Variants in MYH14 observed in about 807,000 individuals in gnomAD.
The protein encoded by MYH14 is myosin-14.
A neutral mutation model predicts 255.5 loss-of-function variants in MYH14; 123 were observed. The observed-to-expected ratio is 0.48, with a 90% CI of 0.42 to 0.56. MYH14 has a LOEUF of 0.56. Among genes scored for constraint, MYH14 ranks in the 20% least tolerant of loss-of-function variants. The probability of loss-of-function intolerance (pLI) is 0.00; values close to 1 mark genes in which losing one functional copy is unlikely to be tolerated. For synonymous variants in MYH14, 1,095 were observed against 1,161.2 expected (o/e 0.94, Z 1.16); for missense variants, 2,423 against 2,802.3 (o/e 0.86, Z 3.06).
chr19:50,204,697 C>T (rs2031633862), intron 1 of MYH14, among the ~76,000 whole-genome samples: 2 of 152,294 alleles, frequency 1.3e-5, no homozygotes, highest in South Asian at 4.1e-4. Context: ...GAGTTCGAGA[C>T]CAGCTTGGGC....
chr19:50,288,996 G>A (rs1016490410), intron 34 of MYH14, among the ~76,000 whole-genome samples: 25 of 152,110 alleles, frequency 1.6e-4, no homozygotes, highest in Non-Finnish European at 3.2e-4. Context: ...ATAGTGGGTC[G>A]GTGACACCCT....
At chr19:50,263,876 G>T (rs1406696899) in intron 22 of MYH14, among the ~76,000 whole-genome samples, 1 of 151,848 alleles carries the variant, frequency 6.6e-6, no homozygotes, top group African/African-American at 2.4e-5. Flanking sequence ...GGCCAATATG[G>T]GGAAATCCTG....
chr19:50,298,922 A>AAACAAC (rs909777839), intron 39 of MYH14, among the ~76,000 whole-genome samples: 2 of 151,964 alleles, frequency 1.3e-5, no homozygotes, highest in Non-Finnish European at 2.9e-5. Flanking sequence ...TCCCTACCAA[A>AAACAAC]AACAACAACA....
intron 10 of MYH14, among the ~76,000 whole-genome samples, chr19:50,240,642 G>A (rs1856191916): frequency 6.6e-6 from 1 of 150,724 alleles, no homozygotes; most frequent in African/African-American, 2.4e-5. Context: ...GAAATTAAAA[G>A]CACTGCCTCC....
At chr19:50,218,083 G>A (rs1190942440) in intron 3 of MYH14, among the ~76,000 whole-genome samples, 1 of 151,892 alleles carries the variant, frequency 6.6e-6, no homozygotes, top group Non-Finnish European at 1.5e-5. Context: ...TGCAACCTCT[G>A]CCTCCTGGGC....
chr19:50,231,044 C>T lies in MYH14; in HGVS notation c.973+421C>T, dbSNP rs57637546. ...TCGTGCTGCCTCGTGCTCCCCTCTG[C>T]TCTGGCTCCTAGGCCACGGCTCTTG... is the stretch of plus-strand genomic sequence containing the variant. On this transcript the variant is annotated intron_variant, in intron 9 of 42. Transcript: ENST00000642316. The T allele has an allele frequency of 2.1e-3, 468 of 220,828 alleles. 3 individuals carry two copies. Among genetic ancestry groups the T allele is most frequent in the African/African-American group, 0.01 (447 of 43,510 alleles). The allele number at this position is 220,828 out of a possible 1,614,324, so 13.7% of individuals were successfully genotyped here. A position where few individuals can be genotyped will look rare whatever the true frequency, so the allele number is the denominator to read the frequency against.
At chr19:50,216,602 T>C (rs75133810) in intron 2 of MYH14, among the ~76,000 whole-genome samples, 2,765 of 149,946 alleles carry the variant, frequency 0.018, 43 homozygotes, top group Middle Eastern at 0.031. Context: ...AGACCCTGTC[T>C]CAAAGAGGGG....
chr19:50,215,235 G>A (rs2123174315), intron 2 of MYH14, among the ~76,000 whole-genome samples: 1 of 152,306 alleles, frequency 6.6e-6, no homozygotes, highest in South Asian at 2.1e-4. Context: ...GGTGGCGTGG[G>A]GAGTGGGTTC....
In MYH14 at chr19:50,281,704, A is replaced by G; in HGVS notation, c.4401A>G (p.Ala1467=). ...CCGAGGCCCTGACCCAGCGCCTGGCAGAAAAGACAGAGACCGTGGATCGGC... is the reference window on the plus strand; with the variant it reads ...CCGAGGCCCTGACCCAGCGCCTGGCGGAAAAGACAGAGACCGTGGATCGGC... The part of the protein sequence containing the change: ...REAEALTQRL[A]EKTETVDRLE... The change falls in exon 33 of 43, where the codon GCA becomes GCG. Residue 1467 remains alanine, a synonymous_variant. Coordinates refer to ENST00000642316, the MANE Select transcript of MYH14 (RefSeq NM_001145809.2). The G allele has an allele frequency of 6.2e-7, 1 of 1,612,338 alleles. No homozygotes were observed. The highest frequency in any genetic ancestry group is 8.5e-7 in the Non-Finnish European group (1 of 1,179,616).
Position 50,210,599 on chromosome 19 carries a change from G to C in MYH14, c.234G>C (p.Ala78=). 1 of 1,572,722 alleles carries C rather than the reference G, an allele frequency of 6.4e-7. No homozygotes were observed. Among genetic ancestry groups the C allele is most frequent in the Non-Finnish European group, 8.6e-7 (1 of 1,160,074 alleles). ...AALRDEGEEE[A]EVELAESGRR... ...TGCGGGACGAAGGCGAGGAGGAGGC[G>C]GAGGTGGAGCTGGCGGAGAGCGGGA... is the stretch of plus-strand genomic sequence containing the variant. Residue 78 remains alanine, a synonymous_variant, in exon 2 of 43, where the codon GCG becomes GCC. Transcript: ENST00000642316.
In MYH14 at chr19:50,300,180, C is replaced by T. The variant is rs1039140096; in HGVS notation, c.5470-1481C>T. Among the ~76,000 whole-genome samples the T allele has an allele frequency of 3.3e-5, 5 of 152,222 alleles. No individual in the cohort carries two copies. The East Asian group carries it at 7.7e-4, about 24-fold the overall frequency. On this transcript the variant is annotated intron_variant, in intron 39 of 42. Coordinates refer to ENST00000642316, the MANE Select transcript of MYH14 (RefSeq NM_001145809.2). Reference sequence around the variant, plus strand: ...CTTCTGGAAGGGCAAAGTTCTCTTTCTTGACCAAGGTGCTACTGACAGTGA... The same window carrying T: ...CTTCTGGAAGGGCAAAGTTCTCTTTTTTGACCAAGGTGCTACTGACAGTGA...
rs757821779 is a variant in MYH14, at chr19:50,292,302, C to T, written c.5169C>T (p.Arg1723=). 9 of 1,599,554 alleles carry T rather than the reference C, an allele frequency of 5.6e-6. No homozygotes were observed. Among genetic ancestry groups the T allele is most frequent in the South Asian group, 1.1e-5 (1 of 88,128 alleles). Residue 1723 remains arginine (R), a synonymous_variant, in exon 37 of 43, where the codon CGC becomes CGT. Transcript: ENST00000642316. ...KELWREVEET[R]TSREEIFSQN... is the part of the protein sequence containing the mutation. Reference sequence around the variant, plus strand: ...TATGGCGGGAGGTGGAGGAGACACGCACCTCCCGGGAGGAGATCTTCTCCC... The same window carrying T: ...TATGGCGGGAGGTGGAGGAGACACGTACCTCCCGGGAGGAGATCTTCTCCC...
chr19:50,215,872 A>G (rs1375639021), intron 2 of MYH14, among the ~76,000 whole-genome samples: 2 of 152,208 alleles, frequency 1.3e-5, no homozygotes, highest in Non-Finnish European at 2.9e-5. Flanking sequence ...GAAACCAGCT[A>G]GCTGGGTGAC....
At chr19:50,267,151 A>G (rs1451943514) in intron 23 of MYH14, 143 bp downstream of exon 23, 1 of 838,826 alleles carries the variant, frequency 1.2e-6, no homozygotes, top group African/African-American at 1.7e-5. Context: ...GAGCAAAGCT[A>G]AGGTGTACTG....
intron 10 of MYH14, among the ~76,000 whole-genome samples, chr19:50,232,992 G>A (rs1021567094): frequency 1.3e-5 from 2 of 152,208 alleles, no homozygotes; most frequent in African/African-American, 4.8e-5. Context: ...CTTGGGGGCC[G>A]TGTGAGAGAC....
In MYH14 at chr19:50,289,490, C is replaced by G; in HGVS notation, c.4807C>G (p.Arg1603Gly). ...RVAEQAANDL[R>G]AQVTELEDEL... ...AGCAGAACAGGCAGCCAATGATCTG[C>G]GAGCACAGGTGACAGAACTGGAGGA... Residue 1603 changes from arginine to glycine, a missense_variant, in exon 35 of 43, where the codon CGA becomes GGA. By Grantham distance (125) the Arg-to-Gly change is moderately radical. This residue lies in a region of MYH14 where 1,513 missense variants were observed against 1,674.8 expected (regional missense o/e 0.90). Transcript: ENST00000642316. The G allele has an allele frequency of 1.9e-6, 3 of 1,612,924 alleles. No individual in the cohort carries two copies. In the South Asian group the frequency reaches 3.3e-5, roughly 18 times the overall value.
At chr19:50,240,521 A>G (rs2033850019) in intron 10 of MYH14, among the ~76,000 whole-genome samples, 1 of 152,166 alleles carries the variant, frequency 6.6e-6, no homozygotes, top group African/African-American at 2.4e-5. Context: ...TTGAGGCTGC[A>G]GTAAGCTATG....
Position 50,267,025 on chromosome 19 carries a change from AG to A in MYH14, c.2826+20del, listed in dbSNP as rs776411053. 182 of 893,842 alleles carry A rather than the reference AG, an allele frequency of 2.0e-4. 2 individuals are homozygous for A. The East Asian group carries it at 9.7e-3, about 48-fold the overall frequency. The allele number at this position is 893,842 out of a possible 1,614,324, so 55.4% of individuals were successfully genotyped here. A position where few individuals can be genotyped will look rare whatever the true frequency, so the allele number is the denominator to read the frequency against. The stretch of plus-strand genomic sequence containing the variant: ...GTGGCACAGGTGAGGGGGCGGGGGC[AG>A]GGCGTGGGGGCGTGTCTTCGGGGTG... On this transcript the variant is annotated intron_variant, in intron 23 of 42. Coordinates refer to ENST00000642316, the MANE Select transcript of MYH14 (RefSeq NM_001145809.2).
chr19:50,278,634 G>A (rs2035599089), intron 30 of MYH14, among the ~76,000 whole-genome samples: 1 of 152,024 alleles, frequency 6.6e-6, no homozygotes, highest in Non-Finnish European at 1.5e-5. Context: ...AGCCTGGGAG[G>A]TCGAGGCTGC....
Sources: gnomAD v4.1 joint callset for allele counts (sites outside exome capture counted in the v4.1 genomes callset) on GRCh38, gnomAD v4.1.1 for gene constraint, gnomAD v4.1.1 regional missense constraint, MANE v1.5 for transcripts, NCBI Gene and HGNC (gene_info 2026-07-23, HGNC 2026-07-21) for gene names.